REEP1: variants seen among roughly 807,000 people sequenced by gnomAD.
REEP1 encodes receptor accessory protein 1, also known as receptor expression-enhancing protein 1.
In REEP1, 22 loss-of-function variants were observed where a neutral mutation model predicts 40.3. That is an observed-to-expected ratio of 0.55 (90% CI 0.39 to 0.78). REEP1 has a LOEUF of 0.78. Among genes scored for constraint, REEP1 ranks in the 30% least tolerant of loss-of-function variants. The pLI is 0.00. For synonymous variants in REEP1, 116 were observed against 139.2 expected (o/e 0.83, Z 1.17); for missense variants, 280 against 361.1 (o/e 0.78, Z 1.82).
chr2:86,254,467 G>GAAAT (rs1051205767), intron 4 of REEP1, among the ~76,000 whole-genome samples: 3 of 152,060 alleles, frequency 2.0e-5, no homozygotes, highest in African/African-American at 7.2e-5. Context: ...TCAATTTATG[G>GAAAT]AAATGTTTTC....
At chr2:86,322,494 C>G (rs1680311199) in intron 1 of REEP1, among the ~76,000 whole-genome samples, 1 of 152,172 alleles carries the variant, frequency 6.6e-6, no homozygotes, top group South Asian at 2.1e-4. Flanking sequence ...ATCTTTCAAC[C>G]TCAGCCTCCT....
At chr2:86,272,883 G>C (rs1013871749) in intron 2 of REEP1, among the ~76,000 whole-genome samples, 2 of 152,132 alleles carry the variant, frequency 1.3e-5, no homozygotes, top group Non-Finnish European at 2.9e-5. Context: ...CGCACTTTGG[G>C]AGGCTGAGGC....
intron 5 of REEP1, among the ~76,000 whole-genome samples, chr2:86,239,208 CAAAAA>C (rs35714309): frequency 1.0e-4 from 6 of 58,360 alleles, no homozygotes; most frequent in Admixed American, 2.5e-4. Context: ...CCATCTAGAC[CAAAAA>C]AAAAAAAAAA....
In REEP1 at chr2:86,295,459, C is replaced by T. The variant is rs532955430; in HGVS notation, c.33-13217G>A. The stretch of plus-strand genomic sequence containing the variant: ...CTTTGAAGGGCAATCCTCGGTAATG[C>T]TCTAAAAAGTATGGTGGAATACTGC... On this transcript the variant is annotated intron_variant, in intron 1 of 8. Transcript: ENST00000538924. 1.1e-4 allele frequency among the ~76,000 whole-genome samples: 16 copies of T among 152,314 alleles called. No homozygotes were observed. In the South Asian group the frequency reaches 3.1e-3, roughly 30 times the overall value.
At chr2:86,218,992 C>T (rs115342327) in intron 8 of REEP1, among the ~76,000 whole-genome samples, 3,303 of 152,260 alleles carry the variant, frequency 0.022, 69 homozygotes, top group Non-Finnish European at 0.033. Context: ...GGAGAGGAGA[C>T]CTTAGGAAGC....
intron 5 of REEP1, 118 bp from the exon 6 acceptor site, chr2:86,232,920 C>T (rs985320227): frequency 6.8e-6 from 7 of 1,023,488 alleles, no homozygotes; most frequent in Non-Finnish European, 8.8e-6. Flanking sequence ...TGGATCAACT[C>T]TGAGGCGCAG....
chr2:86,290,538 G>A (rs936832396), intron 1 of REEP1, among the ~76,000 whole-genome samples: 1 of 152,156 alleles, frequency 6.6e-6, no homozygotes, highest in Non-Finnish European at 1.5e-5. Context: ...AAGTTGACCT[G>A]AGCATCAGCC....
At chr2:86,240,444 C>T (rs545331072) in intron 5 of REEP1, among the ~76,000 whole-genome samples, 22 of 152,306 alleles carry the variant, frequency 1.4e-4, no homozygotes, top group African/African-American at 2.4e-4. Flanking sequence ...CACAAGGGGT[C>T]GAACCCGAGT....
At chr2:86,286,932 G>C (rs1678428314) in intron 1 of REEP1, among the ~76,000 whole-genome samples, 1 of 152,114 alleles carries the variant, frequency 6.6e-6, no homozygotes, top group Non-Finnish European at 1.5e-5. Flanking sequence ...TAAAATGTAA[G>C]AGGAATAACA....
intron 2 of REEP1, among the ~76,000 whole-genome samples, chr2:86,269,555 G>C (rs988124074): frequency 2.0e-5 from 3 of 152,094 alleles, no homozygotes; most frequent in African/African-American, 7.2e-5. Context: ...ATTTTGCATT[G>C]CTCTTTTGAT....
chr2:86,297,260 T>C (rs1374029023), intron 1 of REEP1, among the ~76,000 whole-genome samples: 1 of 152,214 alleles, frequency 6.6e-6, no homozygotes, highest in Non-Finnish European at 1.5e-5. Context: ...CCAGGAGAGC[T>C]TGGAGCTTGG....
chr2:86,276,778 AGGTCCGTG>A (rs199773210), intron 2 of REEP1, among the ~76,000 whole-genome samples: 3,663 of 152,270 alleles, frequency 0.024, 146 homozygotes, highest in African/African-American at 0.082. Flanking sequence ...AATCAAAGTG[AGGTCCGTG>A]GACCAGCACT....
chr2:86,336,878 T>C (rs1274889622), intron 1 of REEP1: 1 of 152,280 alleles, frequency 6.6e-6, no homozygotes. Context: ...TCCAGGCGTT[T>C]ACTCCAAGAT....
chr2:86,268,511 T>C (rs904092118), intron 2 of REEP1, among the ~76,000 whole-genome samples: 2 of 152,162 alleles, frequency 1.3e-5, no homozygotes, highest in African/African-American at 2.4e-5. Context: ...ATATTTCATG[T>C]TCATATATAG....
chr2:86,304,187 T>C (rs971784166), intron 1 of REEP1, among the ~76,000 whole-genome samples: 1 of 152,138 alleles, frequency 6.6e-6, no homozygotes, highest in Non-Finnish European at 1.5e-5. Context: ...GGTGCTCTTA[T>C]GGTCTCCCAG....
intron 5 of REEP1, chr2:86,239,856 C>T (rs191089295): frequency 6.6e-6 from 1 of 152,414 alleles, no homozygotes; most frequent in East Asian, 1.9e-4. Flanking sequence ...TGGGGCCTGG[C>T]TCCGTGTGCC....
intron 1 of REEP1, among the ~76,000 whole-genome samples, chr2:86,329,839 G>A (rs1020962040): frequency 2.0e-5 from 3 of 152,182 alleles, no homozygotes; most frequent in South Asian, 4.1e-4. Flanking sequence ...TAAGGGAGAC[G>A]AAGCAGATGT....
At chr2:86,237,791 G>T (rs1019022301) in intron 5 of REEP1, among the ~76,000 whole-genome samples, 7 of 152,074 alleles carry the variant, frequency 4.6e-5, no homozygotes, top group Admixed American at 2.0e-4. Context: ...CCAAAGTGCT[G>T]GAACAGGTGT....
intron 1 of REEP1, among the ~76,000 whole-genome samples, chr2:86,315,189 C>T (rs1183904578): frequency 6.6e-6 from 1 of 152,148 alleles, no homozygotes; most frequent in African/African-American, 2.4e-5. Context: ...AAGCTGCCTG[C>T]CAGGAGGGTG....
Sources: allele counts gnomAD v4.1 joint callset (sites outside exome capture counted in the v4.1 genomes callset), GRCh38; gene constraint gnomAD v4.1.1; transcripts MANE v1.5; gene names NCBI Gene and HGNC (gene_info 2026-07-23, HGNC 2026-07-21).